RHOQ: variants seen among roughly 807,000 people sequenced by gnomAD.
The protein encoded by RHOQ is rho-related GTP-binding protein RhoQ.
A neutral mutation model predicts 25.8 loss-of-function variants in RHOQ; 7 were observed. The ratio of observed to expected loss-of-function variants is 0.27; its 90% CI spans 0.15 to 0.51. RHOQ has a LOEUF of 0.51. Among genes scored for constraint, RHOQ ranks in the 20% least tolerant of loss-of-function variants. RHOQ has a pLI of 0.97. For missense variants in RHOQ, 165 were observed against 260.6 expected (o/e 0.63, Z 2.53); for synonymous variants, 97 against 98.6 (o/e 0.98, Z 0.10).
At position 46,552,210 on chromosome 2, in the gene RHOQ, C is replaced by T. The variant is rs1294957290; in HGVS notation, c.201+8398C>T. 2.0e-5 allele frequency among the ~76,000 whole-genome samples: 3 copies of T among 152,236 alleles called. No individual in the cohort carries two copies. Among genetic ancestry groups the T allele is most frequent in the African/African-American group, 4.8e-5 (2 of 41,458 alleles). On this transcript the variant is annotated intron_variant, in intron 2 of 4. Coordinates refer to ENST00000238738, the MANE Select transcript of RHOQ (RefSeq NM_012249.4). This position sits in a 1 kb window ranked among gnomAD's most constrained non-coding sequence, Gnocchi z 5.0. ...GGCTCCTACAAAGACTTCTGCCCCA[C>T]GTGACGTTACGGGTGTTTTGTCACT... is the stretch of plus-strand genomic sequence containing the variant.
At chr2:46,570,522 G>A (rs1280821750) in intron 2 of RHOQ, among the ~76,000 whole-genome samples, 1 of 152,146 alleles carries the variant, frequency 6.6e-6, no homozygotes, top group Non-Finnish European at 1.5e-5. Context: ...TGATATATAA[G>A]TTAGATGTAG....
intron 2 of RHOQ, among the ~76,000 whole-genome samples, chr2:46,557,837 A>G (rs1238078288): frequency 6.6e-6 from 1 of 152,202 alleles, no homozygotes; most frequent in Non-Finnish European, 1.5e-5. Flanking sequence ...ATGACTGATG[A>G]GGCCTGAGCT....
intron 2 of RHOQ, chr2:46,568,849 C>G (rs1470007146): frequency 6.6e-6 from 1 of 152,342 alleles, no homozygotes; most frequent in South Asian, 2.1e-4. Flanking sequence ...ACACAGCACT[C>G]AGCACCTACT....
chr2:46,572,667 G>T, intron 2 of RHOQ: 1 of 415,620 alleles, frequency 2.4e-6, no homozygotes, highest in Non-Finnish European at 4.8e-6. Flanking sequence ...TTACCATGCT[G>T]AAATGTTTAA....
intron 2 of RHOQ, among the ~76,000 whole-genome samples, chr2:46,561,533 T>C (rs939123435): frequency 1.3e-5 from 2 of 152,158 alleles, no homozygotes; most frequent in African/African-American, 4.8e-5. Context: ...CTGAGCTACA[T>C]AGTTTGGACT....
At chr2:46,579,632 A>AC (rs1253856766) in intron 4 of RHOQ, among the ~76,000 whole-genome samples, 1 of 152,054 alleles carries the variant, frequency 6.6e-6, no homozygotes, top group Non-Finnish European at 1.5e-5. Context: ...GGGCAGAATT[A>AC]CCTGAGGTTG....
chr2:46,554,389 T>G (rs1668348424), intron 2 of RHOQ, among the ~76,000 whole-genome samples: 1 of 152,192 alleles, frequency 6.6e-6, no homozygotes, highest in African/African-American at 2.4e-5. Context: ...GTGCGCCCAG[T>G]AGGCTCTGCA....
chr2:46,559,151 TTTGTTGTTG>T (rs761625689), intron 2 of RHOQ, among the ~76,000 whole-genome samples: 1 of 151,812 alleles, frequency 6.6e-6, no homozygotes, highest in Non-Finnish European at 1.5e-5. Flanking sequence ...TTGGTTTCTT[TTTGTTGTTG>T]TTGTTGTTGT....
chr2:46,547,209 G>A (rs1378059440), intron 2 of RHOQ, among the ~76,000 whole-genome samples: 2 of 152,196 alleles, frequency 1.3e-5, no homozygotes, highest in African/African-American at 4.8e-5. Flanking sequence ...ATGCATGTGG[G>A]CACTCATTGT....
chr2:46,561,322 T>A (rs1572744718), intron 2 of RHOQ, among the ~76,000 whole-genome samples: 1 of 151,526 alleles, frequency 6.6e-6, no homozygotes, highest in Admixed American at 6.6e-5. Flanking sequence ...TGGTTTGGGG[T>A]GGCAAGGGGG....
At position 46,581,891 on chromosome 2, in the gene RHOQ, T is replaced by TA. The variant is rs1669394784; in HGVS notation, c.*809dup. 3.9e-6 allele frequency: 1 copy of TA among 255,266 alleles called. No homozygotes were observed. The highest frequency in any genetic ancestry group is 5.1e-5 in the Admixed American group (1 of 19,664). 15.8% of individuals were successfully genotyped at this position (255,266 alleles called of 1,614,324 possible). The stretch of plus-strand genomic sequence containing the variant: ...TTTGGGTCAGACTTTGCCATAATGA[T>TA]AGACTCAATTTAGCTCTCTGAACTA... On this transcript the variant is annotated 3_prime_UTR_variant, in exon 5 of 5. Transcript: ENST00000238738.
chr2:46,579,218 G>T lies in RHOQ; in HGVS notation c.463-1710G>T, dbSNP rs373212710. On this transcript the variant is annotated intron_variant, in intron 4 of 4. Transcript: ENST00000238738. ...AACTTTCTTCAGTTGGACTCTCTTG[G>T]TTTTTCTCCCCTCTCATTGGACTCT... 5.9e-5 allele frequency among the ~76,000 whole-genome samples: 9 copies of T among 152,286 alleles called. No homozygotes were observed. In the East Asian group the frequency reaches 1.7e-3, roughly 29 times the overall value.
Position 46,581,704 on chromosome 2 carries a change from C to T in RHOQ, c.*621C>T. 7.0e-7 allele frequency: 1 copy of T among 1,425,014 alleles called. No individual in the cohort carries two copies. The highest frequency in any genetic ancestry group is 1.4e-5 in the South Asian group (1 of 73,220). The allele number at this position is 1,425,014 out of a possible 1,614,324, so 88.3% of individuals were successfully genotyped here. A position where few individuals can be genotyped will look rare whatever the true frequency, so the allele number is the denominator to read the frequency against. On this transcript the variant is annotated 3_prime_UTR_variant, in exon 5 of 5. Coordinates refer to ENST00000238738, the MANE Select transcript of RHOQ (RefSeq NM_012249.4). Reference sequence around the variant, plus strand: ...GCTTAATGTGCTTTCTTAAAGAATGCCAAAAGTGTAATAAGGTCATAACTG... The same window carrying T: ...GCTTAATGTGCTTTCTTAAAGAATGTCAAAAGTGTAATAAGGTCATAACTG...
chr2:46,572,755 AGTT>A, intron 2 of RHOQ: 1 of 454,278 alleles, frequency 2.2e-6, no homozygotes, highest in South Asian at 1.6e-5. Flanking sequence ...GGCTGTGAGA[AGTT>A]GTGACTTTGA....
chr2:46,546,329 T>C (rs893164147), intron 2 of RHOQ, among the ~76,000 whole-genome samples: 19 of 151,210 alleles, frequency 1.3e-4, no homozygotes, highest in Non-Finnish European at 2.7e-4. Flanking sequence ...ACCTCAGGCT[T>C]CTAGGAATCC....
chr2:46,546,062 C>T (rs1216831448), intron 2 of RHOQ, among the ~76,000 whole-genome samples: 2 of 152,064 alleles, frequency 1.3e-5, no homozygotes, highest in East Asian at 3.9e-4. Context: ...GTTTTTGCAT[C>T]AAAGCTAGTA....
rs554512061 is a variant in RHOQ, at chr2:46,584,084, A to G, written c.*3001A>G. ...ATGAATTATCTTAGTGACTTTAGAC[A>G]CTGTTTCCATTTGATTTTTAACTAT... On this transcript the variant is annotated 3_prime_UTR_variant, in exon 5 of 5. Coordinates refer to ENST00000238738, the MANE Select transcript of RHOQ (RefSeq NM_012249.4). Among the ~76,000 whole-genome samples the G allele has an allele frequency of 2.6e-5, 4 of 152,156 alleles. No individual in the cohort carries two copies. Among genetic ancestry groups the G allele is most frequent in the Non-Finnish European group, 5.9e-5 (4 of 67,990 alleles).
chr2:46,579,330 A>G (rs1379845366), intron 4 of RHOQ, among the ~76,000 whole-genome samples: 1 of 151,936 alleles, frequency 6.6e-6, no homozygotes, highest in Non-Finnish European at 1.5e-5. Flanking sequence ...CTATAGCTAC[A>G]CTCCCTAGGC....
intron 4 of RHOQ, among the ~76,000 whole-genome samples, chr2:46,578,374 A>G (rs192011416): frequency 2.0e-5 from 3 of 151,988 alleles, no homozygotes; most frequent in South Asian, 4.2e-4. Context: ...ATGTTGGTCA[A>G]AGTGTACAGT....
Sources: gnomAD v4.1 joint callset for allele counts (sites outside exome capture counted in the v4.1 genomes callset) on GRCh38, gnomAD v4.1.1 for gene constraint, Gnocchi (gnomAD v3.1) non-coding constraint, MANE v1.5 for transcripts, NCBI Gene and HGNC (gene_info 2026-07-23, HGNC 2026-07-21) for gene names.